PTPRD: variants seen among roughly 807,000 people sequenced by gnomAD.
The protein encoded by PTPRD is receptor-type tyrosine-protein phosphatase delta.
Under a neutral mutation model 214.5 loss-of-function variants are expected in PTPRD, and 34 were observed. The observed-to-expected ratio is 0.16, with a 90% CI of 0.12 to 0.21. PTPRD has a LOEUF of 0.21. Among genes scored for constraint, PTPRD ranks in the 10% least tolerant of loss-of-function variants. The pLI is 1.00. For synonymous variants in PTPRD, 1,128 were observed against 845.7 expected, an observed-to-expected ratio of 1.33 and a Z score of -5.79; for missense variants, 2,545 against 2,398.7, an observed-to-expected ratio of 1.06 and a Z score of -1.27.
intron 3 of PTPRD, among the ~76,000 whole-genome samples, chr9:10,182,314 C>T (rs2099301877): frequency 7.1e-6 from 1 of 140,614 alleles, no homozygotes; most frequent in East Asian, 2.1e-4. Context: ...TTTACTGCAT[C>T]AAAATGATAG....
At chr9:10,484,881 C>T (rs2099122621) in intron 2 of PTPRD, among the ~76,000 whole-genome samples, 1 of 151,780 alleles carries the variant, frequency 6.6e-6, no homozygotes, top group Admixed American at 6.6e-5. Context: ...TCAATGTGTC[C>T]ACTTTTCCTT....
chr9:9,138,583 G>A (rs1026951126), intron 10 of PTPRD, among the ~76,000 whole-genome samples: 2 of 152,102 alleles, frequency 1.3e-5, no homozygotes, highest in African/African-American at 4.8e-5. Context: ...TAAAAGTATA[G>A]TGTGTTCATT....
intron 14 of PTPRD, among the ~76,000 whole-genome samples, chr9:8,596,458 T>C (rs1290102262): frequency 6.6e-6 from 1 of 152,068 alleles, no homozygotes; most frequent in Non-Finnish European, 1.5e-5. Flanking sequence ...TTCATGGTTC[T>C]ATTTATGAAC....
intron 2 of PTPRD, among the ~76,000 whole-genome samples, chr9:10,459,269 G>C (rs2098940683): frequency 6.7e-6 from 1 of 149,982 alleles, no homozygotes; most frequent in Admixed American, 6.6e-5. Context: ...TGGTGTAGAT[G>C]TGCCACATTG....
At chr9:10,513,784 G>A (rs1315900998) in intron 2 of PTPRD, among the ~76,000 whole-genome samples, 1 of 152,144 alleles carries the variant, frequency 6.6e-6, no homozygotes, top group Non-Finnish European at 1.5e-5. Context: ...TGGACACACA[G>A]TGCAAAAGAA....
At chr9:8,774,732 C>T (rs546524003) in intron 11 of PTPRD, among the ~76,000 whole-genome samples, 107 of 151,950 alleles carry the variant, frequency 7.0e-4, no homozygotes, top group African/African-American at 2.5e-3. Context: ...CGGGGTTTCT[C>T]CATGTTGGTC....
intron 14 of PTPRD, among the ~76,000 whole-genome samples, chr9:8,546,162 T>C (rs1046064223): frequency 1.3e-5 from 2 of 152,202 alleles, no homozygotes; most frequent in Non-Finnish European, 2.9e-5. Flanking sequence ...AGGAGTAATA[T>C]TTATGGAGAA....
At chr9:10,355,567 C>A (rs945766147) in intron 2 of PTPRD, among the ~76,000 whole-genome samples, 4 of 151,774 alleles carry the variant, frequency 2.6e-5, no homozygotes, top group Non-Finnish European at 4.4e-5. Flanking sequence ...CAACCTCCGC[C>A]TCCTGGGTTC....
intron 5 of PTPRD, among the ~76,000 whole-genome samples, chr9:9,891,195 T>C (rs28719869): frequency 0.014 from 2,056 of 152,242 alleles, 30 homozygotes; most frequent in African/African-American, 0.04. Flanking sequence ...TCTCCTGTTC[T>C]CTTCTCCCAT....
intron 9 of PTPRD, among the ~76,000 whole-genome samples, chr9:9,274,712 TA>T (rs1251964228): frequency 1.3e-5 from 2 of 151,152 alleles, no homozygotes; most frequent in African/African-American, 4.8e-5. Context: ...GCAAGTAGAA[TA>T]ATTGGTGTCT....
chr9:8,537,635 T>A (rs186901620), intron 14 of PTPRD, among the ~76,000 whole-genome samples: 6 of 152,120 alleles, frequency 3.9e-5, no homozygotes, highest in Admixed American at 3.9e-4. Flanking sequence ...TGGACATTGT[T>A]AAGCTAAGAG....
intron 10 of PTPRD, among the ~76,000 whole-genome samples, chr9:9,041,688 A>G (rs1277243328): frequency 3.3e-5 from 5 of 152,130 alleles, no homozygotes; most frequent in Admixed American, 3.3e-4. Flanking sequence ...TATTTGGAAA[A>G]TTCTACTCAC....
chr9:9,113,177 T>C (rs1024574520), intron 10 of PTPRD, among the ~76,000 whole-genome samples: 1 of 151,934 alleles, frequency 6.6e-6, no homozygotes, highest in Non-Finnish European at 1.5e-5. Flanking sequence ...GGTCTCACTA[T>C]GTTGCCCAGA....
At chr9:10,005,160 T>C (rs1229753068) in intron 4 of PTPRD, among the ~76,000 whole-genome samples, 1 of 152,068 alleles carries the variant, frequency 6.6e-6, no homozygotes, top group Non-Finnish European at 1.5e-5. Flanking sequence ...CTTTGGGCGA[T>C]TATAATAACT....
At chr9:8,960,783 T>A (rs1281582977) in intron 11 of PTPRD, among the ~76,000 whole-genome samples, 1 of 152,110 alleles carries the variant, frequency 6.6e-6, no homozygotes, top group Non-Finnish European at 1.5e-5. Context: ...ATGATTCAGT[T>A]TCCTAATCAG....
chr9:10,275,364 G>A (rs2094620611), intron 3 of PTPRD, among the ~76,000 whole-genome samples: 1 of 152,102 alleles, frequency 6.6e-6, no homozygotes, highest in Non-Finnish European at 1.5e-5. Flanking sequence ...CCTTTAGATA[G>A]TTTAACTTCT....
intron 27 of PTPRD, among the ~76,000 whole-genome samples, chr9:8,492,339 G>A (rs950371449): frequency 6.6e-6 from 1 of 151,972 alleles, no homozygotes; most frequent in Non-Finnish European, 1.5e-5. Flanking sequence ...GATCTTCATG[G>A]GACTTGATCC....
At chr9:9,405,956 C>A (rs368349913) in intron 8 of PTPRD, among the ~76,000 whole-genome samples, 8 of 151,944 alleles carry the variant, frequency 5.3e-5, no homozygotes, top group Admixed American at 2.0e-4. Flanking sequence ...TCTGTTTGTG[C>A]TAAAAAAATT....
chr9:9,804,826 A>C (rs1043109827), intron 5 of PTPRD, among the ~76,000 whole-genome samples: 4 of 151,298 alleles, frequency 2.6e-5, no homozygotes, highest in African/African-American at 9.7e-5. Flanking sequence ...TTATAATATT[A>C]TGTTAAATTT....
Sources: gnomAD v4.1 joint callset for allele counts (sites outside exome capture counted in the v4.1 genomes callset) on GRCh38, gnomAD v4.1.1 for gene constraint, MANE v1.5 for transcripts, NCBI Gene and HGNC (gene_info 2026-07-23, HGNC 2026-07-21) for gene names.